PIWIL2: variants seen among roughly 807,000 people sequenced by gnomAD.
The protein encoded by PIWIL2 is piwi-like protein 2.
A neutral mutation model predicts 116.5 loss-of-function variants in PIWIL2; 81 were observed. The observed-to-expected ratio is 0.70, with a 90% CI of 0.58 to 0.84. PIWIL2 has a LOEUF of 0.84. PIWIL2 is among the 40% of genes least tolerant of loss of function. The pLI is 0.00. For synonymous variants in PIWIL2, 489 were observed against 429.5 expected (o/e 1.14, Z -1.71); for missense variants, 1,272 against 1,212.3 (o/e 1.05, Z -0.73).
rs781236280 is a variant in PIWIL2 at position 22,304,104 on chromosome 8, A to G, written c.1265A>G (p.Tyr422Cys). 3.1e-6 allele frequency: 5 copies of G among 1,612,534 alleles called. No individual in the cohort carries two copies. Among genetic ancestry groups the G allele is most frequent in the Admixed American group, 1.7e-5 (1 of 60,016 alleles). ...GTTGGCAATATTGTTATCACCCGATATAACAATCGTACCTATCGTATTGAT... is the reference window on the plus strand; with the variant it reads ...GTTGGCAATATTGTTATCACCCGATGTAACAATCGTACCTATCGTATTGAT... ...LLVGNIVITR[Y>C]NNRTYRIDDV... Residue 422 changes from tyrosine to cysteine, a missense_variant, in exon 11 of 23, where the codon TAT becomes TGT. Transcript: ENST00000356766.
At chr8:22,328,612 A>G (rs1216843582) in intron 20 of PIWIL2, among the ~76,000 whole-genome samples, 2 of 152,082 alleles carry the variant, frequency 1.3e-5, no homozygotes, top group East Asian at 3.9e-4. Flanking sequence ...TTCTTTCAGC[A>G]GTGTTTTGTA....
intron 20 of PIWIL2, among the ~76,000 whole-genome samples, chr8:22,319,393 A>G (rs776350227): frequency 6.6e-6 from 1 of 152,058 alleles, no homozygotes; most frequent in Admixed American, 6.6e-5. Context: ...TTGTTGTTCT[A>G]ATTGTTTTCC....
chr8:22,349,409 A>ATGTG lies in PIWIL2; in HGVS notation c.2404-3542_2404-3539dup, dbSNP rs375297605. On this transcript the variant is annotated intron_variant, in intron 20 of 22. Coordinates refer to ENST00000356766, the MANE Select transcript of PIWIL2 (RefSeq NM_018068.5). ...CGGTCTCAACTTTTGTGTACAATAT[A>ATGTG]TGTGTGTGTGTATATATATATATAT... Among the ~76,000 whole-genome samples, 85 of 137,376 alleles carry ATGTG rather than the reference A, an allele frequency of 6.2e-4. 1 individual carries two copies. The highest frequency in any genetic ancestry group is 2.0e-3 in the African/African-American group (75 of 37,828). The allele number at this position is 137,376 out of a possible 152,430, so 90.1% of individuals were successfully genotyped here.
chr8:22,297,635 A>G (rs1161315373), intron 10 of PIWIL2, among the ~76,000 whole-genome samples: 1 of 152,136 alleles, frequency 6.6e-6, no homozygotes, highest in Non-Finnish European at 1.5e-5. Context: ...TGCAGTGGGG[A>G]TTTACAGTAT....
chr8:22,287,999 C>A (rs1830668393), intron 7 of PIWIL2, among the ~76,000 whole-genome samples: 1 of 152,102 alleles, frequency 6.6e-6, no homozygotes, highest in Non-Finnish European at 1.5e-5. Context: ...TAAAGAGTAA[C>A]TTAAAATTGC....
intron 20 of PIWIL2, among the ~76,000 whole-genome samples, chr8:22,340,869 T>A (rs1301877074): frequency 1.3e-5 from 2 of 151,928 alleles, no homozygotes; most frequent in Non-Finnish European, 2.9e-5. Context: ...GCGCCACCAT[T>A]TCTGGCTAAT....
chr8:22,291,578 T>C (rs747511438), intron 10 of PIWIL2, among the ~76,000 whole-genome samples: 8 of 152,206 alleles, frequency 5.3e-5, no homozygotes, highest in Non-Finnish European at 1.2e-4. Flanking sequence ...TCTAAATCCT[T>C]TTAATATATA....
chr8:22,344,836 G>A (rs1008357224), intron 20 of PIWIL2, among the ~76,000 whole-genome samples: 5 of 151,996 alleles, frequency 3.3e-5, no homozygotes, highest in African/African-American at 9.7e-5. Flanking sequence ...TGATTGTGCC[G>A]CTGCACTCCA....
intron 10 of PIWIL2, among the ~76,000 whole-genome samples, chr8:22,291,258 C>A (rs1830760581): frequency 6.6e-6 from 1 of 151,554 alleles, no homozygotes; most frequent in Non-Finnish European, 1.5e-5. Context: ...TGAAACAATT[C>A]TCTTGCTTCA....
In PIWIL2 at chr8:22,280,145, G is replaced by A. The variant is rs753551412; in HGVS notation, c.198+561G>A. On this transcript the variant is annotated intron_variant, in intron 2 of 22. Transcript: ENST00000356766. ...AAGTACCATAGGTCCTCTAGCTTCCGATCATCCCTCCATCCCTCCATCTGT... is the reference window on the plus strand; with the variant it reads ...AAGTACCATAGGTCCTCTAGCTTCCAATCATCCCTCCATCCCTCCATCTGT... Among the ~76,000 whole-genome samples, 8 of 152,276 alleles carry A rather than the reference G, an allele frequency of 5.3e-5. No individual in the cohort carries two copies. In the South Asian group the frequency reaches 1.7e-3, roughly 32 times the overall value.
At chr8:22,328,112 G>A (rs1320037999) in intron 20 of PIWIL2, among the ~76,000 whole-genome samples, 2 of 151,864 alleles carry the variant, frequency 1.3e-5, no homozygotes, top group African/African-American at 2.4e-5. Flanking sequence ...ACTGATTTGA[G>A]TTATACAAAG....
In PIWIL2 at chr8:22,304,213, G is replaced by C; in HGVS notation, c.1370+4G>C. On this transcript the variant is annotated splice_donor_region_variant and intron_variant, in intron 11 of 22. Transcript: ENST00000356766. Reference sequence around the variant, plus strand: ...TCACATTCTTGGAATACTACAGGTAGCAAGAAGAGACTGGGTTTGGGCCTC... The same window carrying C: ...TCACATTCTTGGAATACTACAGGTACCAAGAAGAGACTGGGTTTGGGCCTC... 6.2e-7 allele frequency: 1 copy of C among 1,606,274 alleles called. No individual in the cohort carries two copies. Among genetic ancestry groups the C allele is most frequent in the African/African-American group, 1.3e-5 (1 of 74,928 alleles).
At chr8:22,290,079 T>A (rs1012458582) in intron 9 of PIWIL2, 152 bp downstream of exon 9, 2 of 739,838 alleles carry the variant, frequency 2.7e-6, no homozygotes, top group African/African-American at 3.6e-5. Context: ...GGTTTTTCAG[T>A]AAGTTTGCAA....
In PIWIL2 at chr8:22,283,144, G is replaced by A. The variant is rs202186373; in HGVS notation, c.536G>A (p.Arg179Gln). The A allele has an allele frequency of 3.1e-5, 50 of 1,613,986 alleles. No individual in the cohort carries two copies. Among genetic ancestry groups the A allele is most frequent in the Middle Eastern group, 3.3e-4 (2 of 6,082 alleles). The change falls in exon 5 of 23, where the codon CGG (arginine) becomes CAG (glutamine). Residue 179 changes from arginine (R) to glutamine (Q), a missense_variant. By Grantham distance (43) the Arg-to-Gln change is conservative. Coordinates refer to ENST00000356766, the MANE Select transcript of PIWIL2 (RefSeq NM_018068.5). ...CCCTGTACCTTCAGCACACCGTCCC[G>A]GGGTCCCCCGCAGCTGTCATCACCA... is the stretch of plus-strand genomic sequence containing the variant. ...KPPCTFSTPS[R>Q]GPPQLSSPPA...
Position 22,279,333 on chromosome 8 carries a change from G to T in PIWIL2, c.-46-8G>T, listed in dbSNP as rs1830446433. 1.5e-6 allele frequency: 2 copies of T among 1,318,026 alleles called. No homozygotes were observed. Among genetic ancestry groups the T allele is most frequent in the Non-Finnish European group, 2.2e-6 (2 of 910,724 alleles). The allele number at this position is 1,318,026 out of a possible 1,614,324, so 81.6% of individuals were successfully genotyped here. A position where few individuals can be genotyped will look rare whatever the true frequency, so the allele number is the denominator to read the frequency against. ...TTGGGAATCTTAATCTTTTGAAAAT[G>T]ATGGCAGGTAATTAACCAGAACAGG... is the stretch of plus-strand genomic sequence containing the variant. On this transcript the variant is annotated splice_region_variant and splice_polypyrimidine_tract_variant and intron_variant, in intron 1 of 22. Transcript: ENST00000356766.
At chr8:22,305,862 C>A in intron 12 of PIWIL2, 65 bp from the exon 13 acceptor site, 2 of 1,144,334 alleles carry the variant, frequency 1.7e-6, no homozygotes, top group Non-Finnish European at 1.3e-6. Context: ...ATGACATGTC[C>A]TGTATGGTCG....
At chr8:22,347,260 T>C (rs1030161153) in intron 20 of PIWIL2, among the ~76,000 whole-genome samples, 1 of 149,216 alleles carries the variant, frequency 6.7e-6, no homozygotes, top group Admixed American at 6.7e-5. Context: ...TCACCCAGGC[T>C]GGACTGCAGT....
intron 20 of PIWIL2, among the ~76,000 whole-genome samples, chr8:22,346,527 C>T (rs1252428473): frequency 2.6e-5 from 4 of 152,156 alleles, no homozygotes; most frequent in African/African-American, 9.7e-5. Context: ...CATGGTTCAC[C>T]ACCTGAAGCC....
chr8:22,316,960 T>G (rs908960269), intron 19 of PIWIL2, among the ~76,000 whole-genome samples: 10 of 151,040 alleles, frequency 6.6e-5, no homozygotes, highest in East Asian at 2.0e-4. Context: ...AGCTAATTTT[T>G]GTAGAGACAG....
Sources: allele counts gnomAD v4.1 joint callset (sites outside exome capture counted in the v4.1 genomes callset), GRCh38; gene constraint gnomAD v4.1.1; transcripts MANE v1.5; gene names NCBI Gene and HGNC (gene_info 2026-07-23, HGNC 2026-07-21).